SORCS1: variants seen among roughly 807,000 people sequenced by gnomAD.
SORCS1 encodes VPS10 domain-containing receptor SorCS1.
A neutral mutation model predicts 146.1 loss-of-function variants in SORCS1; 60 were observed. The observed-to-expected ratio is 0.41, with a 90% confidence interval of 0.33 to 0.51. The LOEUF (loss-of-function observed/expected upper bound fraction) is 0.51. Among genes scored for constraint, SORCS1 ranks in the 20% least tolerant of loss-of-function variants. The probability of loss-of-function intolerance (pLI) is 0.21; values close to 1 mark genes in which losing one functional copy is unlikely to be tolerated. For synonymous variants in SORCS1, 637 were observed against 584.0 expected (o/e 1.09, Z -1.31); for missense variants, 1,352 against 1,487.6 (o/e 0.91, Z 1.50).
At chr10:106,769,928 T>C (rs576275870) in intron 4 of SORCS1, among the ~76,000 whole-genome samples, 1 of 151,770 alleles carries the variant, frequency 6.6e-6, no homozygotes, top group Non-Finnish European at 1.5e-5. Flanking sequence ...CAGTCTCTAC[T>C]AAAAAAATGC....
chr10:106,672,983 ACT>A lies in SORCS1; in HGVS notation c.1941_1942del (p.Phe649TrpfsTer8). 6.2e-7 allele frequency: 1 copy of A among 1,612,038 alleles called. No individual in the cohort carries two copies. Among genetic ancestry groups the A allele is most frequent in the Non-Finnish European group, 8.5e-7 (1 of 1,178,288 alleles). On this transcript the variant is annotated frameshift_variant and splice_region_variant, in exon 15 of 26. Transcript: ENST00000263054. LOFTEE classifies it high-confidence loss of function. Reference sequence around the variant, plus strand: ...AGAGCGGTGGCTGAAGTGTCCAAACACTCTACAGAGTTCATGGTGATAAAAAT... The same window carrying A: ...AGAGCGGTGGCTGAAGTGTCCAAACACTACAGAGTTCATGGTGATAAAAAT...
At chr10:106,683,315 C>T (rs1852584024) in intron 10 of SORCS1, among the ~76,000 whole-genome samples, 1 of 152,132 alleles carries the variant, frequency 6.6e-6, no homozygotes, top group African/African-American at 2.4e-5. Context: ...AAACATTGTA[C>T]CCTTTGACCA....
chr10:106,598,837 C>T lies in SORCS1; in HGVS notation c.3166-1387G>A, dbSNP rs111720210. 2.9e-3 allele frequency among the ~76,000 whole-genome samples: 439 copies of T among 152,180 alleles called. 2 individuals carry two copies. Among genetic ancestry groups the T allele is most frequent in the African/African-American group, 9.9e-3 (411 of 41,500 alleles). On this transcript the variant is annotated intron_variant, in intron 23 of 25. Transcript: ENST00000263054. ...ACCTGCAGAAGCCCCTGATTGGTGACAGAACTGAACTGCCCCACAGATAAA... is the reference window on the plus strand; with the variant it reads ...ACCTGCAGAAGCCCCTGATTGGTGATAGAACTGAACTGCCCCACAGATAAA...
intron 21 of SORCS1, among the ~76,000 whole-genome samples, chr10:106,615,208 T>C (rs1337493399): frequency 1.3e-5 from 2 of 152,212 alleles, no homozygotes; most frequent in African/African-American, 4.8e-5. Context: ...CTACAACTCA[T>C]GAATGTCTTT....
chr10:106,655,206 T>C (rs981774925), intron 17 of SORCS1, among the ~76,000 whole-genome samples: 5 of 152,062 alleles, frequency 3.3e-5, no homozygotes, highest in Non-Finnish European at 7.4e-5. Flanking sequence ...TTTAAGTATA[T>C]GTAAAAGAGA....
chr10:106,734,682 C>A (rs1394872687), intron 5 of SORCS1, among the ~76,000 whole-genome samples: 1 of 152,056 alleles, frequency 6.6e-6, no homozygotes, highest in Non-Finnish European at 1.5e-5. Context: ...CTTTTTTAGT[C>A]TTTAAAATAA....
At chr10:107,021,686 T>C (rs1958152025) in intron 1 of SORCS1, among the ~76,000 whole-genome samples, 1 of 152,142 alleles carries the variant, frequency 6.6e-6, no homozygotes, top group Non-Finnish European at 1.5e-5. Context: ...TGATACCTAA[T>C]TCTATCATTT....
intron 22 of SORCS1, among the ~76,000 whole-genome samples, chr10:106,607,996 G>A (rs148094485): frequency 2.6e-4 from 40 of 152,294 alleles, no homozygotes; most frequent in African/African-American, 9.1e-4. Flanking sequence ...TATCACTCAA[G>A]GACTTCTTGT....
Position 106,588,974 on chromosome 10 carries a change from A to AGTTAATTG in SORCS1, c.3265+8369_3265+8376dup, listed in dbSNP as rs1192503486. 9.7e-4 allele frequency among the ~76,000 whole-genome samples: 148 copies of AGTTAATTG among 151,860 alleles called. 1 individual carries two copies. The highest frequency in any genetic ancestry group is 3.4e-3 in the Middle Eastern group (1 of 294). On this transcript the variant is annotated intron_variant, in intron 24 of 25. Coordinates refer to ENST00000263054, the MANE Select transcript of SORCS1 (RefSeq NM_052918.5). ...ATCTCTATCTTTATAAAGCTTCCTA[A>AGTTAATTG]GTTAATTGCAATGTAAAGTCACGTT...
chr10:106,969,403 CA>C (rs1314828015), intron 1 of SORCS1, among the ~76,000 whole-genome samples: 4 of 152,054 alleles, frequency 2.6e-5, no homozygotes, highest in Non-Finnish European at 5.9e-5. Context: ...TATCTGAGAG[CA>C]AAAAATAATC....
chr10:106,603,150 G>A (rs904596303), intron 23 of SORCS1, among the ~76,000 whole-genome samples: 7 of 152,082 alleles, frequency 4.6e-5, no homozygotes, highest in Admixed American at 3.9e-4. Flanking sequence ...AGAGCATGGC[G>A]GTCTTTCCTC....
In SORCS1 at chr10:106,769,095, T is replaced by C. The variant is rs531428974; in HGVS notation, c.886-7434A>G. On this transcript the variant is annotated intron_variant, in intron 4 of 25. Transcript: ENST00000263054. ...GAGATTTTGAAAGCGCTGGCATCTATTTCTTTATTAAGTAGTCAATATTTC... is the reference window on the plus strand; with the variant it reads ...GAGATTTTGAAAGCGCTGGCATCTACTTCTTTATTAAGTAGTCAATATTTC... 3.3e-4 allele frequency among the ~76,000 whole-genome samples: 50 copies of C among 152,314 alleles called. No homozygotes were observed. In the South Asian group the frequency reaches 4.8e-3, roughly 15 times the overall value.
chr10:107,180,449 C>T, the SORCS1 span, among the ~76,000 whole-genome samples: 3 of 152,066 alleles, frequency 2.0e-5, no homozygotes, highest in Non-Finnish European at 2.9e-5. Context: ...TCAATTGCTC[C>T]AGAACTATTA....
Position 106,943,813 on chromosome 10 carries a change from AAATT to A in SORCS1, c.626+12696_626+12699del, listed in dbSNP as rs536817518. 2.6e-4 allele frequency among the ~76,000 whole-genome samples: 39 copies of A among 152,126 alleles called. 2 individuals are homozygous for A. Among genetic ancestry groups the A allele is most frequent in the African/African-American group, 6.0e-4 (25 of 41,514 alleles). Reference sequence around the variant, plus strand: ...CAACAGAGTGAGACTCCATCTCAAAAAATTAATTAATTAATTAATTGTCTCTTCA... The same window carrying A: ...CAACAGAGTGAGACTCCATCTCAAAAAATTAATTAATTAATTGTCTCTTCA... On this transcript the variant is annotated intron_variant, in intron 2 of 25. Transcript: ENST00000263054.
intron 1 of SORCS1, among the ~76,000 whole-genome samples, chr10:107,032,012 G>T (rs1958677875): frequency 6.6e-6 from 1 of 152,104 alleles, no homozygotes; most frequent in South Asian, 2.1e-4. Context: ...CGGCATACCA[G>T]TGGAGTGAAA....
At chr10:106,706,655 T>C (rs751931933) in intron 7 of SORCS1, 21 bp from the exon 8 acceptor site, 1 of 1,612,040 alleles carries the variant, frequency 6.2e-7, no homozygotes, top group Admixed American at 1.7e-5. Context: ...AAAACAAGAC[T>C]GTAAGAAGCT....
intron 24 of SORCS1, among the ~76,000 whole-genome samples, chr10:106,589,972 TGG>T (rs764052663): frequency 1.4e-4 from 21 of 152,320 alleles, no homozygotes; most frequent in South Asian, 4.1e-4. Flanking sequence ...CAATGGATGA[TGG>T]ACAACAAAGT....
At chr10:107,065,440 TTTCTTTC>T (rs1420647209) in intron 1 of SORCS1, among the ~76,000 whole-genome samples, 2 of 147,928 alleles carry the variant, frequency 1.4e-5, no homozygotes, top group African/African-American at 2.5e-5. Context: ...TCTTTCTTTC[TTTCTTTC>T]TTTTCTCTCT....
At chr10:107,139,114 T>C (rs1009614801) in intron 1 of SORCS1, among the ~76,000 whole-genome samples, 2 of 152,204 alleles carry the variant, frequency 1.3e-5, no homozygotes, top group African/African-American at 4.8e-5. Flanking sequence ...AAGCTATGAA[T>C]CTAAGCATGA....
Sources: allele counts gnomAD v4.1 joint callset (sites outside exome capture counted in the v4.1 genomes callset), GRCh38; gene constraint gnomAD v4.1.1; transcripts MANE v1.5; gene names NCBI Gene and HGNC (gene_info 2026-07-23, HGNC 2026-07-21).